Variants in MDFI observed in about 807,000 individuals in gnomAD.
MDFI encodes the protein MyoD family inhibitor.
Under a neutral mutation model 22.3 loss-of-function variants are expected in MDFI, and 16 were observed. The observed-to-expected ratio is 0.72, with a 90% CI of 0.49 to 1.09. MDFI has a LOEUF of 1.09. Among genes scored for constraint, MDFI ranks in the 50% least tolerant of loss-of-function variants. The probability of loss-of-function intolerance (pLI) is 0.00; values close to 1 mark genes in which losing one functional copy is unlikely to be tolerated. For synonymous variants in MDFI, 145 were observed against 142.7 expected (o/e 1.02, Z -0.12); for missense variants, 314 against 326.1 (o/e 0.96, Z 0.29).
chr6:41,650,471 G>T (rs1222143891), intron 4 of MDFI, among the ~76,000 whole-genome samples: 1 of 152,112 alleles, frequency 6.6e-6, no homozygotes, highest in East Asian at 1.9e-4. Flanking sequence ...TCCTGTCCAT[G>T]TGAAGGGACC....
chr6:41,653,366 AC>A lies in MDFI; in HGVS notation c.533del (p.Thr178SerfsTer122). The part of the protein sequence containing the change: ...ILSCLFCEFL[T>X]LCNIVLDCAT... ...GTCCTGCCTGTTCTGCGAGTTCCTG[AC>A]GCTGTGCAACATCGTCCTGGACTGC... On this transcript the variant is annotated frameshift_variant, in exon 5 of 5. Coordinates refer to ENST00000230321, the MANE Select transcript of MDFI (RefSeq NM_005586.4). LOFTEE classifies it high-confidence loss of function. This position sits in a 1 kb window ranked among gnomAD's most constrained non-coding sequence, Gnocchi z 4.2. The A allele has an allele frequency of 6.2e-7, 1 of 1,612,118 alleles. No individual in the cohort carries two copies. Among genetic ancestry groups the A allele is most frequent in the South Asian group, 1.1e-5 (1 of 91,056 alleles).
chr6:41,639,069 C>G (rs1767746704), intron 2 of MDFI, among the ~76,000 whole-genome samples: 1 of 149,702 alleles, frequency 6.7e-6, no homozygotes, highest in South Asian at 2.1e-4. Flanking sequence ...CCGCAACTCC[C>G]GACACCAGAC....
chr6:41,651,528 A>C (rs962580662), intron 4 of MDFI, among the ~76,000 whole-genome samples: 1 of 128,130 alleles, frequency 7.8e-6, no homozygotes, highest in Non-Finnish European at 1.7e-5. Flanking sequence ...GGGTCCTGGG[A>C]GGTCCTTACC....
At chr6:41,647,824 C>T (rs1216761042) in intron 3 of MDFI, among the ~76,000 whole-genome samples, 1 of 151,868 alleles carries the variant, frequency 6.6e-6, no homozygotes, top group African/African-American at 2.4e-5. Flanking sequence ...GGGCGGATCA[C>T]GAGGTCAGGA....
chr6:41,639,407 A>AGT (rs1375734307), intron 2 of MDFI: 2 of 984,784 alleles, frequency 2.0e-6, no homozygotes, highest in Admixed American at 1.2e-4. Context: ...ACCCCAACCC[A>AGT]GTGTCTTCAG....
intron 2 of MDFI, chr6:41,639,811 C>T: frequency 9.1e-6 from 9 of 985,452 alleles, no homozygotes; most frequent in Non-Finnish European, 1.1e-5. Context: ...AACTCCCTGC[C>T]TTGCCTTGGA....
intron 4 of MDFI, among the ~76,000 whole-genome samples, chr6:41,651,951 T>C (rs9369299): frequency 0.34 from 51,424 of 152,166 alleles, 9,750 homozygotes; most frequent in Admixed American, 0.51. Flanking sequence ...ACTTGTAATC[T>C]TTCATTGAAC....
At position 41,638,895 on chromosome 6, in the gene MDFI, C is replaced by A; in HGVS notation, c.76+70C>A. 1 of 1,443,380 alleles carries A rather than the reference C, an allele frequency of 6.9e-7. No individual in the cohort carries two copies. 89.4% of individuals were successfully genotyped at this position (1,443,380 alleles called of 1,614,324 possible). A position where few individuals can be genotyped will look rare whatever the true frequency, so the allele number is the denominator to read the frequency against. On this transcript the variant is annotated intron_variant, in intron 2 of 4. Transcript: ENST00000230321. The surrounding 1 kb of genome is among the most constrained non-coding windows in gnomAD (Gnocchi z 7.6). Reference sequence around the variant, plus strand: ...CGGCTGAAGGGGCCAGTTATTAGTTCTCCTCTCCGTCCCCAGACGCGGGGA... The same window carrying A: ...CGGCTGAAGGGGCCAGTTATTAGTTATCCTCTCCGTCCCCAGACGCGGGGA...
At chr6:41,649,867 C>A in intron 4 of MDFI, 24 bp downstream of exon 4, 2 of 1,600,224 alleles carry the variant, frequency 1.2e-6, no homozygotes, top group African/African-American at 1.3e-5. Flanking sequence ...CCATCTCTCC[C>A]TGGGAGAGGC....
intron 3 of MDFI, among the ~76,000 whole-genome samples, 156 bp from the exon 4 acceptor site, chr6:41,649,463 T>G (rs953295536): frequency 6.6e-6 from 1 of 152,244 alleles, no homozygotes; most frequent in Admixed American, 6.5e-5. Flanking sequence ...TAGTCATTTC[T>G]TCTCTCTGGG....
chr6:41,645,970 G>A (rs536773639), intron 2 of MDFI, among the ~76,000 whole-genome samples, 156 bp from the exon 3 acceptor site: 6 of 152,142 alleles, frequency 3.9e-5, no homozygotes, highest in Admixed American at 2.6e-4. Flanking sequence ...TTTGGAGCCC[G>A]GTGCTGTTGT....
upstream of MDFI, chr6:41,638,271 C>T (rs1176599028): frequency 6.3e-6 from 1 of 159,796 alleles, no homozygotes; most frequent in Admixed American, 6.5e-5. This position sits in a 1 kb window ranked among gnomAD's most constrained non-coding sequence, Gnocchi z 7.6. Flanking sequence ...AGCCGGCTTC[C>T]TGTGGGGGCT....
chr6:41,645,540 G>A (rs1005842283), intron 2 of MDFI, among the ~76,000 whole-genome samples: 10 of 151,892 alleles, frequency 6.6e-5, no homozygotes, highest in Non-Finnish European at 1.0e-4. Flanking sequence ...GTCTCCCTCC[G>A]CGCTCTGTAT....
intron 2 of MDFI, chr6:41,639,301 A>AG (rs1297038016): frequency 5.4e-5 from 53 of 985,044 alleles, no homozygotes; most frequent in Non-Finnish European, 5.3e-5. Flanking sequence ...TGCAGGACCC[A>AG]GCCCCTCCCC....
At position 41,638,639 on chromosome 6, in the gene MDFI, C is replaced by G; in HGVS notation, c.-25C>G. On this transcript the variant is annotated 5_prime_UTR_variant, in exon 1 of 5. Transcript: ENST00000230321. The surrounding 1 kb of genome is among the most constrained non-coding windows in gnomAD (Gnocchi z 7.6). ...GGGATCCGGCTGGAAGAGAGCGTAG[C>G]ACGGCTCGCACGAGTGAGTGGACGT... 3 of 1,269,608 alleles carry G rather than the reference C, an allele frequency of 2.4e-6. No individual in the cohort carries two copies. Among genetic ancestry groups the G allele is most frequent in the Non-Finnish European group, 3.3e-6 (3 of 918,804 alleles). The allele number at this position is 1,269,608 out of a possible 1,614,324, so 78.6% of individuals were successfully genotyped here.
At chr6:41,643,548 G>GGGAAGGAAGGAA (rs768210940) in intron 2 of MDFI, among the ~76,000 whole-genome samples, 2,202 of 75,296 alleles carry the variant, frequency 0.029, 90 homozygotes, top group South Asian at 0.073. Flanking sequence ...GAGGGAAGGA[G>GGGAAGGAAGGAA]GGAAGGAAGG....
At chr6:41,639,195 G>T in intron 2 of MDFI, 1 of 971,552 alleles carries the variant, frequency 1.0e-6, no homozygotes, top group Non-Finnish European at 1.2e-6. Context: ...GCCTGGTGTG[G>T]GGGAGGGGGC....
At chr6:41,639,633 T>C (rs1159919813) in intron 2 of MDFI, 15 of 985,266 alleles carry the variant, frequency 1.5e-5, no homozygotes, top group Non-Finnish European at 1.8e-5. Context: ...GTCAGGAACC[T>C]CTGGGATGTG....
Position 41,638,825 on chromosome 6 carries a change from G to A in MDFI, c.76G>A (p.Ala26Thr). 1.3e-6 allele frequency: 2 copies of A among 1,554,356 alleles called. No individual in the cohort carries two copies. The highest frequency in any genetic ancestry group is 1.7e-6 in the Non-Finnish European group (2 of 1,156,292). Residue 26 changes from alanine to threonine, a missense_variant and splice_region_variant, in exon 2 of 5, where the codon GCC (alanine) becomes ACC (threonine). Transcript: ENST00000230321. The surrounding 1 kb of genome is among the most constrained non-coding windows in gnomAD (Gnocchi z 7.6). The part of the protein sequence containing the change: ...YGAPSAAPGP[A>T]QTLSLLPGLE... ...AGCCCCCAGCGCAGCCCCGGGCCCA[G>A]GTAGGACCGGGAGTGGCGAGCGAAG...
Sources: gnomAD v4.1 joint callset for allele counts (sites outside exome capture counted in the v4.1 genomes callset) on GRCh38, gnomAD v4.1.1 for gene constraint, Gnocchi (gnomAD v3.1) non-coding constraint, MANE v1.5 for transcripts, NCBI Gene and HGNC (gene_info 2026-07-23, HGNC 2026-07-21) for gene names.